ZNF385D: variants seen among roughly 807,000 people sequenced by gnomAD.
ZNF385D encodes the protein zinc finger protein 385D.
A neutral mutation model predicts 35.8 loss-of-function variants in ZNF385D; 15 were observed. The observed-to-expected ratio is 0.42, with a 90% CI of 0.28 to 0.64. The LOEUF (loss-of-function observed/expected upper bound fraction) is 0.64. ZNF385D is among the 30% of genes least tolerant of loss of function. The probability of loss-of-function intolerance (pLI) is 0.23; values close to 1 mark genes in which losing one functional copy is unlikely to be tolerated. For missense variants in ZNF385D, 474 were observed against 494.6 expected, an observed-to-expected ratio of 0.96 and a Z score of 0.39; for synonymous variants, 212 against 186.8, an observed-to-expected ratio of 1.13 and a Z score of -1.10.
At chr3:22,349,713 G>C (rs577517308) in intron 2 of ZNF385D, among the ~76,000 whole-genome samples, 4 of 152,076 alleles carry the variant, frequency 2.6e-5, no homozygotes, top group Non-Finnish European at 5.9e-5. Flanking sequence ...AAATCAACAG[G>C]ACACATGAAT....
At chr3:22,179,625 T>C (rs1332892711) in intron 2 of ZNF385D, among the ~76,000 whole-genome samples, 1 of 152,184 alleles carries the variant, frequency 6.6e-6, no homozygotes, top group African/African-American at 2.4e-5. Flanking sequence ...AATACTATGT[T>C]GAACAGAAGT....
intron 3 of ZNF385D, among the ~76,000 whole-genome samples, chr3:21,831,029 G>C (rs758239889): frequency 2.6e-5 from 4 of 152,176 alleles, no homozygotes; most frequent in South Asian, 2.1e-4. Context: ...CAGGGCTTCA[G>C]AGTTTATGTA....
At chr3:22,035,706 G>T (rs1044163637) in intron 3 of ZNF385D, among the ~76,000 whole-genome samples, 1 of 152,130 alleles carries the variant, frequency 6.6e-6, no homozygotes, top group Non-Finnish European at 1.5e-5. Context: ...CAAGCAATGG[G>T]CCATGAGTGT....
intron 2 of ZNF385D, among the ~76,000 whole-genome samples, chr3:22,334,343 T>C (rs958179595): frequency 3.3e-5 from 5 of 152,172 alleles, no homozygotes; most frequent in African/African-American, 1.2e-4. Flanking sequence ...TTAGATAGTA[T>C]TGACTTAAAG....
chr3:22,223,834 A>C (rs1698400422), intron 2 of ZNF385D, among the ~76,000 whole-genome samples: 2 of 152,156 alleles, frequency 1.3e-5, no homozygotes, highest in Non-Finnish European at 2.9e-5. Context: ...CTACATTTTC[A>C]TGTAGTTCCT....
chr3:22,368,380 T>C (rs1696750337), intron 2 of ZNF385D, among the ~76,000 whole-genome samples: 1 of 152,194 alleles, frequency 6.6e-6, no homozygotes, highest in Admixed American at 6.5e-5. Flanking sequence ...CCTTGTAAAA[T>C]AATTTGATTC....
intron 3 of ZNF385D, among the ~76,000 whole-genome samples, chr3:22,166,674 T>G (rs537993209): frequency 6.6e-6 from 1 of 152,378 alleles, no homozygotes; most frequent in Non-Finnish European, 1.5e-5. Context: ...TTAAAAATAC[T>G]GAACTTGAGT....
intron 3 of ZNF385D, among the ~76,000 whole-genome samples, chr3:21,547,392 G>A (rs967535633): frequency 6.6e-6 from 1 of 151,926 alleles, no homozygotes; most frequent in Non-Finnish European, 1.5e-5. Flanking sequence ...TTAAATACAT[G>A]TTTTCTAATA....
chr3:22,167,819 C>T (rs1489115911), intron 3 of ZNF385D, among the ~76,000 whole-genome samples: 1 of 152,130 alleles, frequency 6.6e-6, no homozygotes, highest in Non-Finnish European at 1.5e-5. Context: ...TGACAAATAA[C>T]ATCTATAATT....
At chr3:21,507,634 T>A (rs1388319697) in intron 4 of ZNF385D, among the ~76,000 whole-genome samples, 3 of 152,286 alleles carry the variant, frequency 2.0e-5, no homozygotes, top group Non-Finnish European at 2.9e-5. Context: ...GAGGTCTCAC[T>A]TATTTTGCCC....
intron 2 of ZNF385D, among the ~76,000 whole-genome samples, chr3:21,574,305 A>G (rs1041334940): frequency 1.3e-5 from 2 of 152,076 alleles, no homozygotes; most frequent in African/African-American, 4.8e-5. Flanking sequence ...TCTCTACGTG[A>G]ATAAAGTCCG....
At chr3:21,880,778 G>A (rs975516504) in intron 3 of ZNF385D, among the ~76,000 whole-genome samples, 1 of 151,930 alleles carries the variant, frequency 6.6e-6, no homozygotes, top group Non-Finnish European at 1.5e-5. Context: ...GCAATGTTGT[G>A]AACGCAAAGG....
chr3:21,950,166 C>G (rs924035333), intron 3 of ZNF385D, among the ~76,000 whole-genome samples: 13 of 151,876 alleles, frequency 8.6e-5, no homozygotes, highest in East Asian at 7.7e-4. Flanking sequence ...AATTTACACT[C>G]CCACCAACAG....
chr3:21,947,919 G>A (rs1384931949), intron 3 of ZNF385D, among the ~76,000 whole-genome samples: 1 of 152,074 alleles, frequency 6.6e-6, no homozygotes, highest in African/African-American at 2.4e-5. Context: ...ATTATATGAA[G>A]TAGAGAGCAA....
intron 3 of ZNF385D, among the ~76,000 whole-genome samples, chr3:21,818,814 T>A (rs2073271912): frequency 6.6e-6 from 1 of 151,962 alleles, no homozygotes; most frequent in Non-Finnish European, 1.5e-5. Flanking sequence ...TTTCCTATAT[T>A]AATGAAACAT....
At chr3:21,878,403 G>A (rs17009897) in intron 3 of ZNF385D, among the ~76,000 whole-genome samples, 3,334 of 152,066 alleles carry the variant, frequency 0.022, 123 homozygotes, top group African/African-American at 0.075. Context: ...AGTTTCATGA[G>A]TGCTACAGCA....
intron 3 of ZNF385D, among the ~76,000 whole-genome samples, chr3:21,791,030 G>C (rs1358437375): frequency 1.3e-5 from 2 of 152,188 alleles, no homozygotes; most frequent in Non-Finnish European, 2.9e-5. Flanking sequence ...AGCAGGCATA[G>C]CGCCATTTCA....
At chr3:22,238,581 A>C (rs981460684) in intron 2 of ZNF385D, among the ~76,000 whole-genome samples, 7 of 150,970 alleles carry the variant, frequency 4.6e-5, no homozygotes, top group African/African-American at 1.7e-4. Context: ...CTTTATTTTC[A>C]AATTTTTCAT....
chr3:21,653,751 A>G (rs1409585423), intron 2 of ZNF385D, among the ~76,000 whole-genome samples: 1 of 152,040 alleles, frequency 6.6e-6, no homozygotes, highest in African/African-American at 2.4e-5. Context: ...TTACCTAAAA[A>G]AAGTAAGTAG....
Sources: gnomAD v4.1 joint callset for allele counts (sites outside exome capture counted in the v4.1 genomes callset) on GRCh38, gnomAD v4.1.1 for gene constraint, MANE v1.5 for transcripts, NCBI Gene and HGNC (gene_info 2026-07-23, HGNC 2026-07-21) for gene names.